Variants in FBXL3 observed in about 807,000 individuals in gnomAD.
The protein encoded by FBXL3 is F-box/LRR-repeat protein 3.
A neutral mutation model predicts 37.9 loss-of-function variants in FBXL3; 14 were observed. The ratio of observed to expected loss-of-function variants is 0.37; its 90% confidence interval spans 0.24 to 0.58. The LOEUF is 0.58. FBXL3 is among the 20% of genes least tolerant of loss of function. The probability of loss-of-function intolerance (pLI) is 0.74; values close to 1 mark genes in which losing one functional copy is unlikely to be tolerated. For missense variants in FBXL3, 327 were observed against 511.1 expected (o/e 0.64, Z 3.47); for synonymous variants, 194 against 180.1 (o/e 1.08, Z -0.62).
In FBXL3 at chr13:77,007,759, C is replaced by T. The variant is rs746288188; in HGVS notation, c.673G>A (p.Gly225Ser). The change falls in exon 5 of 5, where the codon GGC (glycine) becomes AGC (serine). Residue 225 changes from glycine (G) to serine (S), a missense_variant. Transcript: ENST00000355619. ...TAGTTCAGGGCTAGTTCTCTTAAGCCGTGACACTGATCAGCCACACAAAGG... is the reference window on the plus strand; with the variant it reads ...TAGTTCAGGGCTAGTTCTCTTAAGCTGTGACACTGATCAGCCACACAAAGG... ...GILCVADQCH[G>S]LRELALNYHL... The T allele has an allele frequency of 1.2e-6, 2 of 1,604,852 alleles. No individual in the cohort carries two copies. The highest frequency in any genetic ancestry group is 1.3e-5 in the African/African-American group (1 of 74,582).
rs977410849 is a variant in FBXL3 at position 77,005,296 on chromosome 13, C to T, written c.*1849G>A. 2 of 152,500 alleles carry T rather than the reference C, an allele frequency of 1.3e-5. No individual in the cohort carries two copies. The highest frequency in any genetic ancestry group is 2.9e-5 in the Non-Finnish European group (2 of 67,968). The allele number at this position is 152,500 out of a possible 1,614,324, so 9.4% of individuals were successfully genotyped here. On this transcript the variant is annotated 3_prime_UTR_variant, in exon 5 of 5. Coordinates refer to ENST00000355619, the MANE Select transcript of FBXL3 (RefSeq NM_012158.4). ...CTTTTTATTCTCAAAGTGATAAAAG[C>T]ATTTAACATATACTTTACAGTATAA... is the stretch of plus-strand genomic sequence containing the variant.
chr13:77,025,155 T>C (rs2034813676), intron 1 of FBXL3, among the ~76,000 whole-genome samples: 1 of 152,144 alleles, frequency 6.6e-6, no homozygotes, highest in Non-Finnish European at 1.5e-5. Flanking sequence ...ACACCTCCTA[T>C]ATTTGAAAAG....
intron 1 of FBXL3, among the ~76,000 whole-genome samples, 186 bp from the exon 2 acceptor site, chr13:77,022,047 T>G (rs9565310): frequency 0.053 from 8,015 of 152,324 alleles, 364 homozygotes; most frequent in East Asian, 0.19. Context: ...AACAATGGTT[T>G]TATAAATTTT....
intron 4 of FBXL3, chr13:77,013,423 G>A (rs1207102121): frequency 6.6e-6 from 1 of 152,146 alleles, no homozygotes; most frequent in African/African-American, 2.4e-5. Context: ...CCAAGAGTCT[G>A]AACCTCCCCA....
intron 4 of FBXL3, chr13:77,009,517 C>G (rs555306636): frequency 6.2e-4 from 95 of 152,270 alleles, no homozygotes; most frequent in African/African-American, 2.1e-3. Flanking sequence ...GAAATATACT[C>G]TAATTACTCA....
chr13:77,009,786 A>G (rs959687704), intron 4 of FBXL3: 2 of 152,350 alleles, frequency 1.3e-5, no homozygotes, highest in African/African-American at 4.8e-5. Flanking sequence ...TCATTCTACT[A>G]TAAAGACACA....
intron 2 of FBXL3, among the ~76,000 whole-genome samples, 159 bp downstream of exon 2, chr13:77,021,354 A>AGT (rs2034740216): frequency 1.3e-5 from 2 of 151,302 alleles, no homozygotes; most frequent in Non-Finnish European, 2.9e-5. Context: ...CATCAAATAT[A>AGT]ATATTTTGTG....
intron 4 of FBXL3, among the ~76,000 whole-genome samples, chr13:77,012,314 G>GA (rs58756999): frequency 2.7e-4 from 41 of 151,004 alleles, no homozygotes; most frequent in East Asian, 1.2e-3. Context: ...AACTCATTTG[G>GA]AAAAAAAAAA....
chr13:77,017,027 CT>C (rs1225000300), intron 3 of FBXL3: 3 of 150,928 alleles, frequency 2.0e-5, no homozygotes, highest in African/African-American at 4.8e-5. Context: ...TCACTGACGT[CT>C]TTCCCCATTT....
In FBXL3 at chr13:77,021,798, G is replaced by C. The variant is rs750885666; in HGVS notation, c.63C>G (p.Ser21=). ...NSSEEGTAEK[S]KKLRTTNEHS... ...GCTCATTTGTAGTCCTCAGTTTCTT[G>C]GATTTCTCTGCAGTTCCTTCTTCTG... The change falls in exon 2 of 5, where the codon TCC becomes TCG. Residue 21 remains serine, a synonymous_variant. Transcript: ENST00000355619. 12 of 1,613,446 alleles carry C rather than the reference G, an allele frequency of 7.4e-6. No individual in the cohort carries two copies. The highest frequency in any genetic ancestry group is 1.6e-4 in the Middle Eastern group (1 of 6,082).
intron 4 of FBXL3, chr13:77,010,928 T>C (rs982355719): frequency 6.6e-6 from 1 of 152,232 alleles, no homozygotes; most frequent in African/African-American, 2.4e-5. Flanking sequence ...AGCTGTCAGT[T>C]ATGTACCAGT....
At chr13:77,015,379 A>C in intron 4 of FBXL3, 30 bp downstream of exon 4, 1 of 1,481,292 alleles carries the variant, frequency 6.8e-7, no homozygotes, top group Non-Finnish European at 9.0e-7. Flanking sequence ...GCATTTTACT[A>C]AAATGTGTCT....
At chr13:77,009,134 A>G (rs1471334546) in intron 4 of FBXL3, 1 of 152,236 alleles carries the variant, frequency 6.6e-6, no homozygotes, top group Non-Finnish European at 1.5e-5. Context: ...TCTTATGTCC[A>G]TGCACTTAAC....
chr13:77,011,770 A>G (rs1240951925), intron 4 of FBXL3, among the ~76,000 whole-genome samples: 2 of 152,210 alleles, frequency 1.3e-5, no homozygotes, highest in East Asian at 3.9e-4. Context: ...CAACAAGAAA[A>G]TGTAAATCAA....
intron 4 of FBXL3, chr13:77,013,726 C>T (rs1260555834): frequency 6.6e-5 from 10 of 152,164 alleles, no homozygotes; most frequent in Admixed American, 1.3e-4. Context: ...AATAACAAAA[C>T]TCTAGTCTCC....
intron 1 of FBXL3, among the ~76,000 whole-genome samples, chr13:77,023,336 G>C (rs1297286018): frequency 7.1e-6 from 1 of 141,188 alleles, no homozygotes; most frequent in African/African-American, 3.0e-5. Flanking sequence ...TTAAAATGGA[G>C]AGAGAGAGAG....
intron 3 of FBXL3, 117 bp from the exon 4 acceptor site, chr13:77,015,697 G>T: frequency 1.6e-6 from 1 of 623,066 alleles, no homozygotes; most frequent in Non-Finnish European, 2.4e-6. Flanking sequence ...TTTTGTAAAT[G>T]TTTTAGGGGT....
At chr13:77,016,120 C>T (rs1336096318) in intron 3 of FBXL3, 2 of 151,982 alleles carry the variant, frequency 1.3e-5, no homozygotes, top group South Asian at 2.1e-4. Context: ...TTTAAAACTC[C>T]TTCAAATGTT....
At chr13:77,018,902 A>T in intron 2 of FBXL3, 180 bp from the exon 3 acceptor site, 2 of 499,198 alleles carry the variant, frequency 4.0e-6, no homozygotes, top group Non-Finnish European at 6.3e-6. Flanking sequence ...TCTTTCAATC[A>T]TCCACCCTCC....
Sources: allele counts gnomAD v4.1 joint callset (sites outside exome capture counted in the v4.1 genomes callset), GRCh38; gene constraint gnomAD v4.1.1; transcripts MANE v1.5; gene names NCBI Gene and HGNC (gene_info 2026-07-23, HGNC 2026-07-21).